The following GOLGA3 variants were observed in gnomAD, a reference collection of about 807,000 sequenced individuals.
GOLGA3 encodes the protein golgin subfamily A member 3.
In GOLGA3, 75 loss-of-function variants were observed where a neutral mutation model predicts 169.4. The ratio of observed to expected loss-of-function variants is 0.44; its 90% CI spans 0.37 to 0.54. GOLGA3 has a LOEUF of 0.54. Among genes scored for constraint, GOLGA3 ranks in the 20% least tolerant of loss-of-function variants. GOLGA3 has a pLI of 0.00. For missense variants in GOLGA3, 1,899 were observed against 1,930.0 expected (o/e 0.98, Z 0.30); for synonymous variants, 824 against 822.4 (o/e 1.00, Z -0.03).
intron 20 of GOLGA3, 97 bp from the exon 21 acceptor site, chr12:132,776,853 C>T: frequency 6.5e-7 from 1 of 1,550,228 alleles, no homozygotes; most frequent in African/African-American, 1.4e-5. Context: ...CTTTTAATAC[C>T]ATATTCAGAA....
At position 132,777,617 on chromosome 12, in the gene GOLGA3, C is replaced by A. The variant is rs12371815; in HGVS notation, c.3722+49G>T. ...CTGAAGGTGTGAATTAGACCCCGCCCATTGCCAGGACAGCCATGTTTGAGG... is the reference window on the plus strand; with the variant it reads ...CTGAAGGTGTGAATTAGACCCCGCCAATTGCCAGGACAGCCATGTTTGAGG... On this transcript the variant is annotated intron_variant, in intron 19 of 23. Transcript: ENST00000450791. The surrounding 1 kb of genome is among the most constrained non-coding windows in gnomAD (Gnocchi z 4.7). The A allele has an allele frequency of 0.14, 227,220 of 1,604,526 alleles. 17,380 individuals carry two copies. Among genetic ancestry groups the A allele is most frequent in the South Asian group, 0.19 (17,047 of 90,428 alleles).
At chr12:132,806,175 G>A (rs909202222) in intron 6 of GOLGA3, among the ~76,000 whole-genome samples, 29 of 152,118 alleles carry the variant, frequency 1.9e-4, no homozygotes, top group Non-Finnish European at 3.2e-4. Flanking sequence ...TAGAGCAAGG[G>A]GCCAGCAACC....
At position 132,789,062 on chromosome 12, in the gene GOLGA3, G is replaced by C; in HGVS notation, c.2776C>G (p.Gln926Glu). Residue 926 changes from glutamine to glutamate, a missense_variant, in exon 13 of 24, where the codon CAG becomes GAG. Transcript: ENST00000450791. ...ADLEGHLQSAQKERDEMETHL... is the reference protein window; with the variant it reads ...ADLEGHLQSAEKERDEMETHL... The stretch of plus-strand genomic sequence containing the variant: ...GTTTCCATCTCGTCTCGCTCCTTCT[G>C]CGCCGACTGGAGATGCCCTTCAAGG... 1.3e-6 allele frequency: 2 copies of C among 1,598,986 alleles called. No individual in the cohort carries two copies. The highest frequency in any genetic ancestry group is 1.7e-6 in the Non-Finnish European group (2 of 1,171,166).
intron 18 of GOLGA3, among the ~76,000 whole-genome samples, chr12:132,780,044 C>CT (rs2136292326): frequency 6.7e-6 from 1 of 148,938 alleles, no homozygotes; most frequent in Admixed American, 6.7e-5. Context: ...CACGGACACC[C>CT]CCCCGCGCAC....
Position 132,813,402 on chromosome 12 carries a change from G to A in GOLGA3, c.424C>T (p.Leu142=). 6.2e-7 allele frequency: 1 copy of A among 1,609,572 alleles called. No individual in the cohort carries two copies. Among genetic ancestry groups the A allele is most frequent in the Non-Finnish European group, 8.5e-7 (1 of 1,177,008 alleles). Residue 142 remains leucine, a synonymous_variant, in exon 4 of 24, where the codon CTG becomes TTG. Transcript: ENST00000450791. The stretch of plus-strand genomic sequence containing the variant: ...ACCTGCTCCTCCTTCTCCAGGGGCA[G>A]GGGAGAATCTGTAGAGCCTGCAGTG... ...ETQLCSTDSP[L]PLEKEEQVRL...
At chr12:132,788,541 G>GAA (rs1273506932) in intron 13 of GOLGA3, among the ~76,000 whole-genome samples, 1 of 152,134 alleles carries the variant, frequency 6.6e-6, no homozygotes, top group African/African-American at 2.4e-5. Context: ...GCCAGCCCAG[G>GAA]CTCAGCTTCC....
intron 12 of GOLGA3, 116 bp from the exon 13 acceptor site, chr12:132,789,406 T>C: frequency 1.2e-6 from 1 of 828,012 alleles, no homozygotes; most frequent in Non-Finnish European, 1.8e-6. Context: ...ATAACTTTTT[T>C]GAGGTAAAGA....
chr12:132,783,968 A>G, intron 16 of GOLGA3, 196 bp downstream of exon 16: 1 of 1,468,484 alleles, frequency 6.8e-7, no homozygotes, highest in Non-Finnish European at 9.0e-7. Context: ...CTGTACAGTG[A>G]TCCTCCCCAG....
chr12:132,784,646 G>A (rs749167466), intron 15 of GOLGA3, among the ~76,000 whole-genome samples: 2 of 151,448 alleles, frequency 1.3e-5, no homozygotes, highest in Admixed American at 6.6e-5. Flanking sequence ...ACATGCTCAC[G>A]CACCACACAT....
chr12:132,780,858 G>C lies in GOLGA3; in HGVS notation c.3522C>G (p.Val1174=). The C allele has an allele frequency of 6.2e-7, 1 of 1,612,504 alleles. No homozygotes were observed. The highest frequency in any genetic ancestry group is 8.5e-7 in the Non-Finnish European group (1 of 1,180,010). ...TCTCTAGTGAGGCCTGCAGGGCCTG[G>C]ACAAGATGCTTCATCTGGCGATCCT... is the stretch of plus-strand genomic sequence containing the variant. ...EEEDRQMKHL[V]QALQASLEKE... Residue 1174 remains valine, a synonymous_variant, in exon 18 of 24, where the codon GTC becomes GTG. Coordinates refer to ENST00000450791, the MANE Select transcript of GOLGA3 (RefSeq NM_001389683.1).
At chr12:132,785,274 A>G (rs944145734) in intron 15 of GOLGA3, among the ~76,000 whole-genome samples, 14 of 152,080 alleles carry the variant, frequency 9.2e-5, no homozygotes, top group Admixed American at 3.9e-4. Flanking sequence ...TCTCCCCAAC[A>G]TTTTACAAAG....
intron 13 of GOLGA3, among the ~76,000 whole-genome samples, 156 bp downstream of exon 13, chr12:132,788,871 A>C: frequency 6.8e-6 from 1 of 147,954 alleles, no homozygotes; most frequent in African/African-American, 2.5e-5. Context: ...TTCTTCCAAA[A>C]GCCTCTCCCA....
chr12:132,782,013 C>A lies in GOLGA3; in HGVS notation c.3465+283G>T, dbSNP rs2045632687. ...ACTGAGCACACGCAGGGGCTCCAGC[C>A]TCACCTCAGAGAGCCCAGCCCTGCA... On this transcript the variant is annotated intron_variant, in intron 17 of 23. Transcript: ENST00000450791. 2.0e-5 allele frequency among the ~76,000 whole-genome samples: 3 copies of A among 152,182 alleles called. No homozygotes were observed. In the South Asian group the frequency reaches 6.2e-4, roughly 32 times the overall value.
Position 132,776,713 on chromosome 12 carries a change from A to G in GOLGA3, c.3899T>C (p.Ile1300Thr), listed in dbSNP as rs1555249534. 3.1e-6 allele frequency: 5 copies of G among 1,613,884 alleles called. No individual in the cohort carries two copies. In the South Asian group the frequency reaches 5.5e-5, roughly 18 times the overall value. The change falls in exon 21 of 24, where the codon ATC (isoleucine) becomes ACC (threonine). Residue 1300 changes from isoleucine to threonine, a missense_variant. Coordinates refer to ENST00000450791, the MANE Select transcript of GOLGA3 (RefSeq NM_001389683.1). Reference sequence around the variant, plus strand: ...GTCCAGCTGCTGCTTCAAGGACTGGATTTCTCTTTCTTTCTGATCCACCTC... The same window carrying G: ...GTCCAGCTGCTGCTTCAAGGACTGGGTTTCTCTTTCTTTCTGATCCACCTC... Reference protein sequence around the residue: ...KWEVDQKEREIQSLKQQLDLT... With the variant: ...KWEVDQKERETQSLKQQLDLT...
chr12:132,786,475 T>C lies in GOLGA3; in HGVS notation c.2987A>G (p.His996Arg). 6.2e-7 allele frequency: 1 copy of C among 1,613,810 alleles called. No homozygotes were observed. Among genetic ancestry groups the C allele is most frequent in the Non-Finnish European group, 8.5e-7 (1 of 1,179,948 alleles). ...GCCCACGGCGTTCTCGTAGGCCTTA[T>C]GTTTGGTCTTCATCTCCTTCTGGGC... ...TSAQKEMKTK[H>R]KAYENAVGIL... Residue 996 changes from histidine to arginine, a missense_variant, in exon 15 of 24, where the codon CAT (histidine) becomes CGT (arginine). His to Arg is a conservative substitution (Grantham distance 29, BLOSUM62 0). Coordinates refer to ENST00000450791, the MANE Select transcript of GOLGA3 (RefSeq NM_001389683.1).
intron 8 of GOLGA3, among the ~76,000 whole-genome samples, chr12:132,801,102 C>T (rs1949108176): frequency 6.6e-6 from 1 of 152,272 alleles, no homozygotes; most frequent in South Asian, 2.1e-4. Flanking sequence ...GTCTCCAGCA[C>T]ACGAAGCAGT....
Position 132,807,907 on chromosome 12 carries a change from C to G in GOLGA3, c.1162G>C (p.Asp388His). ...CCCCACCACCTGCTGCAGATGCTGT[C>G]TCTCCGACTCCGCACCTCCCCGTTG... is the stretch of plus-strand genomic sequence containing the variant. ...EVNGEVRSRR[D>H]SICSSVSLES... is the part of the protein sequence containing the mutation. Residue 388 changes from aspartate (D) to histidine (H), a missense_variant, in exon 5 of 24, where the codon GAC becomes CAC. Transcript: ENST00000450791. The G allele has an allele frequency of 6.9e-7, 1 of 1,454,418 alleles. No homozygotes were observed. Among genetic ancestry groups the G allele is most frequent in the South Asian group, 1.1e-5 (1 of 88,870 alleles). The allele number at this position is 1,454,418 out of a possible 1,614,324, so 90.1% of individuals were successfully genotyped here.
chr12:132,782,239 G>A (rs1299161362), intron 17 of GOLGA3, 57 bp downstream of exon 17: 36 of 1,401,772 alleles, frequency 2.6e-5, no homozygotes, highest in Non-Finnish European at 3.2e-5. Flanking sequence ...CTCGGAGTGC[G>A]CACAGCCCCA....
intron 18 of GOLGA3, among the ~76,000 whole-genome samples, 177 bp downstream of exon 18, chr12:132,780,621 A>C (rs980670004): frequency 5.3e-5 from 8 of 152,248 alleles, no homozygotes; most frequent in Non-Finnish European, 1.2e-4. Flanking sequence ...CATTTAATCT[A>C]ACGCCACCTT....
Sources: allele counts gnomAD v4.1 joint callset (sites outside exome capture counted in the v4.1 genomes callset), GRCh38; gene constraint gnomAD v4.1.1; non-coding constraint Gnocchi (gnomAD v3.1); transcripts MANE v1.5; gene names NCBI Gene and HGNC (gene_info 2026-07-23, HGNC 2026-07-21).